The following SETBP1 variants were observed in gnomAD, a reference collection of about 807,000 sequenced individuals.
SETBP1 encodes SET-binding protein.
A neutral mutation model predicts 101.0 loss-of-function variants in SETBP1; 9 were observed. That is an observed-to-expected ratio of 0.09 (90% confidence interval 0.05 to 0.16). The LOEUF is 0.16. Among genes scored for constraint, SETBP1 ranks in the 10% least tolerant of loss-of-function variants. SETBP1 has a pLI of 1.00. For missense variants in SETBP1, 1,858 were observed against 2,033.8 expected (o/e 0.91, Z 1.66); for synonymous variants, 818 against 788.5 (o/e 1.04, Z -0.63).
At chr18:45,020,293 A>AAAAAAAAAAAG (rs1568032212) in intron 4 of SETBP1, among the ~76,000 whole-genome samples, 7 of 133,986 alleles carry the variant, frequency 5.2e-5, no homozygotes, top group African/African-American at 1.8e-4. Context: ...AAAAAAAAAA[A>AAAAAAAAAAAG]AAGTGGCTTC....
At chr18:44,732,318 G>A (rs1326936871) in intron 2 of SETBP1, among the ~76,000 whole-genome samples, 3 of 152,134 alleles carry the variant, frequency 2.0e-5, no homozygotes, top group Non-Finnish European at 2.9e-5. Context: ...AACATGCTAC[G>A]ACTTGACTGC....
chr18:44,754,086 A>G lies in SETBP1; in HGVS notation c.486+52254A>G, dbSNP rs572377137. Among the ~76,000 whole-genome samples, 125 of 152,290 alleles carry G rather than the reference A, an allele frequency of 8.2e-4. 1 individual carries two copies. The highest frequency in any genetic ancestry group is 4.6e-3 in the South Asian group (22 of 4,828). ...CTTAAAAACCCTACAAACCAGTTCT[A>G]TCCTCTGTTCTATGAGACAGCTTCC... On this transcript the variant is annotated intron_variant, in intron 2 of 5. Coordinates refer to ENST00000649279, the MANE Select transcript of SETBP1 (RefSeq NM_015559.3).
Position 44,787,860 on chromosome 18 carries a change from C to CAAAAAAAAAAAAAAAAAAA in SETBP1, c.487-81368_487-81350dup, listed in dbSNP as rs11399627. On this transcript the variant is annotated intron_variant, in intron 2 of 5. Coordinates refer to ENST00000649279, the MANE Select transcript of SETBP1 (RefSeq NM_015559.3). Reference sequence around the variant, plus strand: ...TGGGCGACAGAGCGAGAGTCCGTCTCAAAAAAAAAAAAAAAAAAAAGAAAA... The same window carrying CAAAAAAAAAAAAAAAAAAA: ...TGGGCGACAGAGCGAGAGTCCGTCTCAAAAAAAAAAAAAAAAAAAAAAAAAAAAAAAAAAAAAAAGAAAA... 6.2e-3 allele frequency among the ~76,000 whole-genome samples: 57 copies of CAAAAAAAAAAAAAAAAAAA among 9,170 alleles called. 3 individuals are homozygous for CAAAAAAAAAAAAAAAAAAA. Among genetic ancestry groups the CAAAAAAAAAAAAAAAAAAA allele is most frequent in the African/African-American group, 8.2e-3 (19 of 2,322 alleles). 6.0% of individuals were successfully genotyped at this position (9,170 alleles called of 152,430 possible).
chr18:44,962,444 A>C (rs2145155750), intron 4 of SETBP1, among the ~76,000 whole-genome samples: 1 of 152,266 alleles, frequency 6.6e-6, no homozygotes, highest in Admixed American at 6.5e-5. Flanking sequence ...GCTGAGTGTG[A>C]GATGTTTTGA....
At chr18:44,882,983 G>C (rs1406951728) in intron 3 of SETBP1, among the ~76,000 whole-genome samples, 1 of 152,156 alleles carries the variant, frequency 6.6e-6, no homozygotes, top group African/African-American at 2.4e-5. Flanking sequence ...GGACAGGAAA[G>C]ACTCTCAGAA....
At chr18:44,743,318 T>G (rs2070141410) in intron 2 of SETBP1, among the ~76,000 whole-genome samples, 2 of 150,514 alleles carry the variant, frequency 1.3e-5, no homozygotes, top group Non-Finnish European at 3.0e-5. Flanking sequence ...AGGGGAAGGG[T>G]AAGAAAAAAA....
chr18:44,742,970 T>C (rs140520131), intron 2 of SETBP1, among the ~76,000 whole-genome samples: 15 of 114,562 alleles, frequency 1.3e-4, no homozygotes, highest in African/African-American at 1.5e-4. Flanking sequence ...TCTCTCTCTC[T>C]CCCCCCCTGT....
intron 4 of SETBP1, among the ~76,000 whole-genome samples, chr18:45,034,956 G>A (rs930226637): frequency 2.0e-5 from 3 of 151,982 alleles, no homozygotes; most frequent in Admixed American, 1.3e-4. Context: ...CCCTCCCATT[G>A]ATAGAAGCCT....
In SETBP1 at chr18:44,951,792, A is replaced by T; in HGVS notation, c.2452A>T (p.Thr818Ser). The T allele has an allele frequency of 1.9e-6, 3 of 1,613,922 alleles. No homozygotes were observed. The highest frequency in any genetic ancestry group is 2.5e-6 in the Non-Finnish European group (3 of 1,180,002). The change falls in exon 4 of 6, where the codon ACC becomes TCC. Residue 818 changes from threonine (T) to serine (S), a missense_variant. Physicochemically the swap from Thr to Ser is moderately conservative, Grantham distance 58. Transcript: ENST00000649279. This position sits in a 1 kb window ranked among gnomAD's most constrained non-coding sequence, Gnocchi z 7.8. ...GCCCATCAGTGCTCTTCCAACCAAA[A>T]CCCAAAAGGGAATACACAGTGGAAC... is the stretch of plus-strand genomic sequence containing the variant. ...LQPISALPTK[T>S]QKGIHSGTWK... is the part of the protein sequence containing the mutation.
intron 5 of SETBP1, among the ~76,000 whole-genome samples, chr18:45,040,621 C>T (rs1310151277): frequency 1.3e-5 from 2 of 152,226 alleles, no homozygotes; most frequent in Admixed American, 1.3e-4. Context: ...CCCTTGCACT[C>T]TTTCCCTTCA....
chr18:44,785,768 G>A (rs1431682122), intron 2 of SETBP1, among the ~76,000 whole-genome samples: 1 of 152,176 alleles, frequency 6.6e-6, no homozygotes, highest in East Asian at 1.9e-4. Flanking sequence ...TCAGGTTAGG[G>A]CCAAGGATGA....
At chr18:44,917,464 G>A (rs1054866875) in intron 3 of SETBP1, among the ~76,000 whole-genome samples, 1 of 152,030 alleles carries the variant, frequency 6.6e-6, no homozygotes, top group Non-Finnish European at 1.5e-5. Flanking sequence ...TTCAACCAAG[G>A]GTTACAAAGC....
At chr18:44,695,310 T>G (rs2068996481) in intron 1 of SETBP1, among the ~76,000 whole-genome samples, 1 of 152,176 alleles carries the variant, frequency 6.6e-6, no homozygotes, top group African/African-American at 2.4e-5. Flanking sequence ...AACCTGCATC[T>G]ACAGATCCAA....
At chr18:45,031,207 C>G (rs373271220) in intron 4 of SETBP1, among the ~76,000 whole-genome samples, 1 of 152,048 alleles carries the variant, frequency 6.6e-6, no homozygotes, top group East Asian at 1.9e-4. Flanking sequence ...TTTGAATGGG[C>G]TTTTGTGATT....
At chr18:45,023,160 A>G (rs748696683) in intron 4 of SETBP1, among the ~76,000 whole-genome samples, 1 of 152,250 alleles carries the variant, frequency 6.6e-6, no homozygotes, top group East Asian at 1.9e-4. Context: ...CTATGTTAAC[A>G]TAAATTCTGA....
At chr18:44,829,038 T>C (rs571586321) in intron 2 of SETBP1, among the ~76,000 whole-genome samples, 1 of 152,380 alleles carries the variant, frequency 6.6e-6, no homozygotes, top group African/African-American at 2.4e-5. Flanking sequence ...AAGACATTTT[T>C]CTGGTTACAT....
intron 4 of SETBP1, among the ~76,000 whole-genome samples, chr18:44,980,369 C>T (rs2072085132): frequency 6.6e-6 from 1 of 151,938 alleles, no homozygotes; most frequent in African/African-American, 2.4e-5. Context: ...GGAAATTTTA[C>T]TACAATATGT....
At chr18:44,840,278 C>G (rs1054644846) in intron 2 of SETBP1, among the ~76,000 whole-genome samples, 6 of 152,182 alleles carry the variant, frequency 3.9e-5, no homozygotes, top group African/African-American at 1.4e-4. Context: ...TTCTCGCAGC[C>G]AATGAGCCAG....
chr18:44,819,947 T>A (rs1412754626), intron 2 of SETBP1, among the ~76,000 whole-genome samples: 5 of 152,202 alleles, frequency 3.3e-5, no homozygotes, highest in Admixed American at 6.5e-5. Context: ...AGAAGGATCA[T>A]TCTTTACAAA....
Sources: gnomAD v4.1 joint callset for allele counts (sites outside exome capture counted in the v4.1 genomes callset) on GRCh38, gnomAD v4.1.1 for gene constraint, Gnocchi (gnomAD v3.1) non-coding constraint, MANE v1.5 for transcripts, NCBI Gene and HGNC (gene_info 2026-07-23, HGNC 2026-07-21) for gene names.